The following AKAP6 variants were observed in gnomAD, a reference collection of about 807,000 sequenced individuals.
The protein encoded by AKAP6 is A-kinase anchoring protein 6.
AKAP6 carries 58 observed loss-of-function variants against 188.5 expected under a neutral mutation model. The ratio of observed to expected loss-of-function variants is 0.31; its 90% CI spans 0.25 to 0.38. The LOEUF (loss-of-function observed/expected upper bound fraction) is 0.38, where lower values mean the gene tolerates loss of function less well. Ranked by LOEUF, AKAP6 falls within the 10% of genes least tolerant of loss-of-function variation. The pLI is 1.00. For synonymous variants in AKAP6, 989 were observed against 998.6 expected (o/e 0.99, Z 0.18); for missense variants, 2,710 against 2,740.0 (o/e 0.99, Z 0.24).
intron 11 of AKAP6, among the ~76,000 whole-genome samples, chr14:32,751,305 C>A (rs1165554783): frequency 1.3e-5 from 2 of 151,920 alleles, no homozygotes; most frequent in Non-Finnish European, 2.9e-5. Context: ...TTTACTTTTA[C>A]CTCACATATA....
chr14:32,800,074 A>AATAT (rs564680292), intron 12 of AKAP6, among the ~76,000 whole-genome samples: 6 of 111,998 alleles, frequency 5.4e-5, no homozygotes, highest in African/African-American at 2.0e-4. Context: ...TATATATAGA[A>AATAT]ATATATATAT....
chr14:32,823,779 T>C lies in AKAP6; in HGVS notation c.5966T>C (p.Leu1989Ser). The C allele has an allele frequency of 1.9e-6, 3 of 1,613,606 alleles. No individual in the cohort carries two copies. Among genetic ancestry groups the C allele is most frequent in the Non-Finnish European group, 2.5e-6 (3 of 1,179,920 alleles). The change falls in exon 13 of 14, where the codon TTA (leucine) becomes TCA (serine). Residue 1989 changes from leucine (L) to serine (S), a missense_variant. Coordinates refer to ENST00000280979, the MANE Select transcript of AKAP6 (RefSeq NM_004274.5). Reference protein sequence around the residue: ...PTEKSFSELALETRFNNRQDS... With the variant: ...PTEKSFSELASETRFNNRQDS... Reference sequence around the variant, plus strand: ...GAGAAGTCTTTCTCAGAACTGGCTTTAGAAACCAGGTTTAACAACAGACAA... The same window carrying C: ...GAGAAGTCTTTCTCAGAACTGGCTTCAGAAACCAGGTTTAACAACAGACAA...
intron 11 of AKAP6, among the ~76,000 whole-genome samples, chr14:32,760,028 C>T (rs764826850): frequency 5.3e-5 from 8 of 152,194 alleles, no homozygotes; most frequent in East Asian, 1.9e-4. Context: ...GCTTTGCTTA[C>T]GCATGTGGTT....
At chr14:32,465,426 A>G (rs1878353650) in intron 2 of AKAP6, among the ~76,000 whole-genome samples, 1 of 152,198 alleles carries the variant, frequency 6.6e-6, no homozygotes, top group South Asian at 2.1e-4. Context: ...GACCTCAGAA[A>G]TAACACCACA....
chr14:32,778,357 C>T (rs1475087814), intron 12 of AKAP6, among the ~76,000 whole-genome samples: 1 of 151,996 alleles, frequency 6.6e-6, no homozygotes, highest in Non-Finnish European at 1.5e-5. Context: ...TTGATAACAG[C>T]TTATTGTCTA....
intron 1 of AKAP6, among the ~76,000 whole-genome samples, chr14:32,382,890 G>A (rs769662545): frequency 2.6e-5 from 4 of 152,106 alleles, no homozygotes; most frequent in African/African-American, 9.7e-5. Context: ...GAGTGGGCCC[G>A]CAAAGAGTGC....
At chr14:32,771,995 C>T (rs1489070383) in intron 11 of AKAP6, among the ~76,000 whole-genome samples, 1 of 152,048 alleles carries the variant, frequency 6.6e-6, no homozygotes, top group Non-Finnish European at 1.5e-5. Context: ...CATAGTTTGA[C>T]TTGCCCAACA....
At chr14:32,651,228 T>C (rs1006038555) in intron 7 of AKAP6, among the ~76,000 whole-genome samples, 3 of 152,162 alleles carry the variant, frequency 2.0e-5, no homozygotes, top group African/African-American at 7.2e-5. Flanking sequence ...TGCTCACTCC[T>C]CCACATTCCC....
chr14:32,597,159 T>C lies in AKAP6; in HGVS notation c.2470-2251T>C, dbSNP rs1885738715. Among the ~76,000 whole-genome samples the C allele has an allele frequency of 5.9e-5, 9 of 152,314 alleles. No individual in the cohort carries two copies. In the South Asian group the frequency reaches 1.9e-3, roughly 32 times the overall value. ...GCAGAGCCAGTTCCAGCTGCATCTA[T>C]TCTATACTCTTGGCTTCAATTATAT... is the stretch of plus-strand genomic sequence containing the variant. On this transcript the variant is annotated intron_variant, in intron 5 of 13. Coordinates refer to ENST00000280979, the MANE Select transcript of AKAP6 (RefSeq NM_004274.5).
intron 1 of AKAP6, among the ~76,000 whole-genome samples, chr14:32,386,025 C>G (rs1463799874): frequency 2.0e-5 from 3 of 150,736 alleles, no homozygotes; most frequent in Non-Finnish European, 4.4e-5. Context: ...ATCTATCTAT[C>G]TATCTACATC....
At chr14:32,357,282 C>T (rs1887514620) in intron 1 of AKAP6, among the ~76,000 whole-genome samples, 1 of 152,118 alleles carries the variant, frequency 6.6e-6, no homozygotes, top group African/African-American at 2.4e-5. Context: ...GTAATTGGAC[C>T]TCTTTAGTGG....
chr14:32,657,041 A>G (rs1249206300), intron 7 of AKAP6, among the ~76,000 whole-genome samples: 1 of 152,176 alleles, frequency 6.6e-6, no homozygotes, highest in African/African-American at 2.4e-5. Context: ...GACTCCACAA[A>G]TTCACGTAAA....
chr14:32,740,579 C>G (rs565858144), intron 11 of AKAP6, among the ~76,000 whole-genome samples: 11 of 151,924 alleles, frequency 7.2e-5, no homozygotes, highest in South Asian at 4.2e-4. Context: ...CTAGTTTCAT[C>G]TTCTGCATAT....
chr14:32,796,673 A>G (rs1275865075), intron 12 of AKAP6, among the ~76,000 whole-genome samples: 36 of 152,214 alleles, frequency 2.4e-4, no homozygotes, highest in Admixed American at 2.4e-3. Context: ...CCAAAACTAT[A>G]AAAACGCTAG....
intron 4 of AKAP6, among the ~76,000 whole-genome samples, chr14:32,561,190 T>G (rs1407207190): frequency 6.6e-6 from 1 of 152,144 alleles, no homozygotes; most frequent in Non-Finnish European, 1.5e-5. Flanking sequence ...GATTATTGTA[T>G]GAAACTACAA....
rs767750868 is a variant in AKAP6, at chr14:32,823,419, C to G, written c.5606C>G (p.Thr1869Ser). The G allele has an allele frequency of 6.2e-7, 1 of 1,613,650 alleles. No homozygotes were observed. The highest frequency in any genetic ancestry group is 8.5e-7 in the Non-Finnish European group (1 of 1,179,870). Residue 1869 changes from threonine (T) to serine (S), a missense_variant, in exon 13 of 14, where the codon ACC becomes AGC. Physicochemically the swap from Thr to Ser is moderately conservative, Grantham distance 58. Around this residue, in one of 2 missense-constraint regions of AKAP6, gnomAD observed 2,473 missense variants for 2,426.1 expected, o/e 1.02. Coordinates refer to ENST00000280979, the MANE Select transcript of AKAP6 (RefSeq NM_004274.5). ...GGAAATGGTAAGAATTCATCTCATA[C>G]CCATGAGTTAGGGACAAAGCGTGAA... ...NNGNGKNSSH[T>S]HELGTKRENK...
At chr14:32,519,927 A>G (rs1435311406) in intron 2 of AKAP6, among the ~76,000 whole-genome samples, 1 of 152,206 alleles carries the variant, frequency 6.6e-6, no homozygotes, top group East Asian at 1.9e-4. Flanking sequence ...TTATTCCAAA[A>G]TTGACCACAT....
At chr14:32,800,762 C>G (rs1450903424) in intron 12 of AKAP6, among the ~76,000 whole-genome samples, 1 of 152,084 alleles carries the variant, frequency 6.6e-6, no homozygotes, top group African/African-American at 2.4e-5. Context: ...TGCCTGTAAT[C>G]CCAGCATTTT....
At chr14:32,567,966 A>G (rs566523127) in intron 4 of AKAP6, among the ~76,000 whole-genome samples, 2 of 152,248 alleles carry the variant, frequency 1.3e-5, no homozygotes, top group East Asian at 3.9e-4. Context: ...GGAAGAGAGC[A>G]GAGGAGTGGG....
Sources: gnomAD v4.1 joint callset for allele counts (sites outside exome capture counted in the v4.1 genomes callset) on GRCh38, gnomAD v4.1.1 for gene constraint, gnomAD v4.1.1 regional missense constraint, MANE v1.5 for transcripts, NCBI Gene and HGNC (gene_info 2026-07-23, HGNC 2026-07-21) for gene names.